AXIN2: variants seen among roughly 807,000 people sequenced by gnomAD.
AXIN2 encodes the protein axin-2.
AXIN2 carries 21 observed loss-of-function variants against 74.7 expected under a neutral mutation model. That is an observed-to-expected ratio of 0.28 (90% confidence interval 0.20 to 0.40). The LOEUF (loss-of-function observed/expected upper bound fraction) is 0.40, where lower values mean the gene tolerates loss of function less well. Ranked by LOEUF, AXIN2 falls within the 10% of genes least tolerant of loss-of-function variation. The pLI is 1.00. For synonymous variants in AXIN2, 532 were observed against 454.9 expected (o/e 1.17, Z -2.16); for missense variants, 1,144 against 1,111.1 (o/e 1.03, Z -0.42).
intron 3 of AXIN2, 58 bp from the exon 4 acceptor site, chr17:65,541,615 C>T (rs1273418412): frequency 7.2e-7 from 1 of 1,383,156 alleles, no homozygotes; most frequent in Non-Finnish European, 1.0e-6. Context: ...CAGCACATCA[C>T]ATGGGCTACT....
intron 4 of AXIN2, among the ~76,000 whole-genome samples, 198 bp from the exon 5 acceptor site, chr17:65,538,541 A>G (rs929148280): frequency 6.6e-6 from 1 of 151,848 alleles, no homozygotes; most frequent in Non-Finnish European, 1.5e-5. Flanking sequence ...GGTCCCCACC[A>G]GCGTTTGCCT....
intron 3 of AXIN2, among the ~76,000 whole-genome samples, chr17:65,546,393 G>A (rs947493617): frequency 2.0e-5 from 3 of 152,122 alleles, no homozygotes; most frequent in South Asian, 2.1e-4. Context: ...TGGGAATCCC[G>A]GGTGACCGCC....
chr17:65,558,885 C>T lies in AXIN2; in HGVS notation c.-116-149G>A, dbSNP rs956401507. The T allele has an allele frequency of 2.7e-5, 14 of 527,512 alleles. No individual in the cohort carries two copies. In the Admixed American group the frequency reaches 2.8e-4, roughly 11 times the overall value. 32.7% of individuals were successfully genotyped at this position (527,512 alleles called of 1,614,324 possible). A position where few individuals can be genotyped will look rare whatever the true frequency, so the allele number is the denominator to read the frequency against. ...AAGCAACCCAGCTATCTGCGAGGTG[C>T]TCATCTAAAGTATCAGGCGCTGCTT... is the stretch of plus-strand genomic sequence containing the variant. On this transcript the variant is annotated intron_variant, in intron 1 of 10. Transcript: ENST00000307078.
At chr17:65,536,107 G>A (rs1213165847) in intron 8 of AXIN2, among the ~76,000 whole-genome samples, 1 of 152,254 alleles carries the variant, frequency 6.6e-6, no homozygotes, top group Non-Finnish European at 1.5e-5. Context: ...TTGCCTCACA[G>A]ATCCTGGCTT....
chr17:65,544,306 G>A (rs1455021612), intron 3 of AXIN2, among the ~76,000 whole-genome samples: 3 of 151,606 alleles, frequency 2.0e-5, no homozygotes, highest in African/African-American at 7.3e-5. Flanking sequence ...GGATGGGGAG[G>A]GGAGTAGATA....
chr17:65,533,518 T>C lies in AXIN2; in HGVS notation c.2405+394A>G, dbSNP rs1399378537. On this transcript the variant is annotated intron_variant, in intron 10 of 10. Coordinates refer to ENST00000307078, the MANE Select transcript of AXIN2 (RefSeq NM_004655.4). The stretch of plus-strand genomic sequence containing the variant: ...CTTCCAGACCCTCCCTCCTAATCAG[T>C]GTGCCTGTCCCTCTTTTTGCTCCCT... Among the ~76,000 whole-genome samples, 9 of 152,260 alleles carry C rather than the reference T, an allele frequency of 5.9e-5. No individual in the cohort carries two copies. The South Asian group carries it at 1.7e-3, about 28-fold the overall frequency.
At chr17:65,532,065 G>A (rs1366127270) in intron 10 of AXIN2, among the ~76,000 whole-genome samples, 8 of 152,228 alleles carry the variant, frequency 5.3e-5, no homozygotes, top group Non-Finnish European at 1.2e-4. Context: ...AGGCCCTGCA[G>A]AGATAAGGCA....
At chr17:65,534,747 G>A (rs1312344887) in intron 9 of AXIN2, among the ~76,000 whole-genome samples, 1 of 152,144 alleles carries the variant, frequency 6.6e-6, no homozygotes, top group Non-Finnish European at 1.5e-5. Context: ...TGGCCAACAT[G>A]GCGAAACCCT....
chr17:65,560,899 T>C (rs1156351767), intron 1 of AXIN2: 1 of 147,314 alleles, frequency 6.8e-6, no homozygotes. Context: ...GGCCCCCGGC[T>C]CGGCTCGCGG....
At chr17:65,557,669 C>A in intron 2 of AXIN2, 137 bp downstream of exon 2, 2 of 864,830 alleles carry the variant, frequency 2.3e-6, no homozygotes, top group East Asian at 2.6e-5. Flanking sequence ...AAAGCAAGAT[C>A]AAAAAGGGTT....
chr17:65,555,830 G>A (rs72856681), intron 2 of AXIN2, among the ~76,000 whole-genome samples: 12,753 of 152,054 alleles, frequency 0.084, 666 homozygotes, highest in Middle Eastern at 0.15. Flanking sequence ...GAGATCATCT[G>A]GCTATGTCTT....
intron 10 of AXIN2, among the ~76,000 whole-genome samples, chr17:65,533,589 G>A (rs1358032454): frequency 2.6e-5 from 4 of 152,158 alleles, no homozygotes; most frequent in Admixed American, 2.0e-4. Context: ...TAAAGCCTCT[G>A]CAGTGTGGCC....
chr17:65,541,628 C>T, intron 3 of AXIN2, 71 bp from the exon 4 acceptor site: 1 of 1,281,176 alleles, frequency 7.8e-7, no homozygotes, highest in South Asian at 1.2e-5. Context: ...GGGCTACTGT[C>T]ATATGCCATC....
intron 3 of AXIN2, among the ~76,000 whole-genome samples, chr17:65,548,635 C>CT (rs1399917533): frequency 6.6e-6 from 1 of 152,208 alleles, no homozygotes; most frequent in East Asian, 1.9e-4. Context: ...AGGCTCCACT[C>CT]TGGGTCTCCT....
At chr17:65,559,598 C>T (rs1005786928) in intron 1 of AXIN2, 8 of 152,262 alleles carry the variant, frequency 5.3e-5, no homozygotes, top group African/African-American at 1.9e-4. Context: ...AACCCACCTC[C>T]CGGATCCGCG....
intron 3 of AXIN2, among the ~76,000 whole-genome samples, chr17:65,545,427 C>T (rs532178225): frequency 4.6e-5 from 7 of 152,276 alleles, no homozygotes; most frequent in African/African-American, 1.7e-4. Flanking sequence ...TGGTGGCTCA[C>T]GCCTGTAATC....
intron 3 of AXIN2, among the ~76,000 whole-genome samples, chr17:65,542,106 T>G (rs1216617486): frequency 6.6e-6 from 1 of 152,242 alleles, no homozygotes; most frequent in Non-Finnish European, 1.5e-5. Flanking sequence ...TATTTCTTTT[T>G]ATAAACCAGT....
chr17:65,545,340 C>T (rs902695263), intron 3 of AXIN2, among the ~76,000 whole-genome samples: 4 of 152,198 alleles, frequency 2.6e-5, no homozygotes, highest in African/African-American at 7.2e-5. Context: ...GGCCCACAAG[C>T]CTTCTGCCTC....
chr17:65,537,962 A>C (rs1245574913), intron 5 of AXIN2, 127 bp from the exon 6 acceptor site: 3 of 1,384,878 alleles, frequency 2.2e-6, no homozygotes, highest in Admixed American at 2.1e-5. Context: ...AGCCACGCCC[A>C]TGCGCACACG....
Sources: allele counts gnomAD v4.1 joint callset (sites outside exome capture counted in the v4.1 genomes callset), GRCh38; gene constraint gnomAD v4.1.1; transcripts MANE v1.5; gene names NCBI Gene and HGNC (gene_info 2026-07-23, HGNC 2026-07-21).